The following GNG12 variants were observed in gnomAD, a reference collection of about 807,000 sequenced individuals.
GNG12 encodes the protein guanine nucleotide-binding protein G(I)/G(S)/G(O) subunit gamma-12.
For synonymous variants in GNG12, 28 were observed against 29.7 expected (o/e 0.94, Z 0.19); for missense variants, 69 against 83.8 (o/e 0.82, Z 0.69).
chr1:67,728,218 G>A (rs773609947), intron 2 of GNG12, among the ~76,000 whole-genome samples: 1 of 152,154 alleles, frequency 6.6e-6, no homozygotes, highest in Non-Finnish European at 1.5e-5. Context: ...CGTACCTCCA[G>A]AGTCAGAGTA....
rs139933310 is a variant in GNG12 at position 67,797,538 on chromosome 1, A to C, written c.-76-20031T>G. Among the ~76,000 whole-genome samples the C allele has an allele frequency of 5.1e-3, 771 of 152,310 alleles. 2 individuals are homozygous for C. Among genetic ancestry groups the C allele is most frequent in the Non-Finnish European group, 8.1e-3 (552 of 68,032 alleles). On this transcript the variant is annotated intron_variant, in intron 1 of 3. Coordinates refer to ENST00000370982, the MANE Select transcript of GNG12 (RefSeq NM_018841.6). ...ACAACTCAAGTATGAACTACACAAA[A>C]ATAAAATGTAACCCTCCACACTCAC...
chr1:67,799,929 T>A (rs1170391297), intron 1 of GNG12, among the ~76,000 whole-genome samples: 1 of 152,222 alleles, frequency 6.6e-6, no homozygotes, highest in Non-Finnish European at 1.5e-5. Context: ...TTTTGTGACA[T>A]GTTTTTGTAG....
intron 2 of GNG12, among the ~76,000 whole-genome samples, chr1:67,712,628 G>A (rs1337168340): frequency 6.6e-6 from 1 of 152,080 alleles, no homozygotes; most frequent in Admixed American, 6.6e-5. Flanking sequence ...AGGAGGTTGA[G>A]GCTGCAGTGA....
intron 1 of GNG12, among the ~76,000 whole-genome samples, chr1:67,821,501 G>C (rs920927943): frequency 6.6e-5 from 10 of 152,154 alleles, no homozygotes; most frequent in African/African-American, 2.2e-4. Flanking sequence ...TCCTGTAATT[G>C]CAGGGAACTG....
At chr1:67,726,740 C>T (rs1646388663) in intron 2 of GNG12, among the ~76,000 whole-genome samples, 1 of 152,178 alleles carries the variant, frequency 6.6e-6, no homozygotes, top group African/African-American at 2.4e-5. Flanking sequence ...CAAAATATAA[C>T]ATTTCTGCAC....
At chr1:67,711,638 C>G (rs1434390458) in intron 2 of GNG12, among the ~76,000 whole-genome samples, 1 of 152,124 alleles carries the variant, frequency 6.6e-6, no homozygotes, top group Non-Finnish European at 1.5e-5. Context: ...CCGAGTTAAT[C>G]TTTCCCAGTT....
intron 2 of GNG12, among the ~76,000 whole-genome samples, chr1:67,754,386 C>T (rs894040344): frequency 3.3e-5 from 5 of 152,192 alleles, no homozygotes; most frequent in Non-Finnish European, 7.3e-5. Flanking sequence ...CGAAGCCAGA[C>T]ACCCCAGAGT....
At chr1:67,833,247 C>G (rs1267631493) in intron 1 of GNG12, 97 bp downstream of exon 1, 1 of 256,870 alleles carries the variant, frequency 3.9e-6, no homozygotes, top group African/African-American at 2.3e-5. Context: ...ACCCGGGACT[C>G]GGAGGCGGCC....
intron 1 of GNG12, among the ~76,000 whole-genome samples, chr1:67,827,176 G>A (rs143552816): frequency 1.0e-3 from 156 of 152,212 alleles, no homozygotes; most frequent in African/African-American, 3.4e-3. Flanking sequence ...TTCTCTCTTC[G>A]GTCAACTAAA....
chr1:67,794,659 A>C (rs1646819656), intron 1 of GNG12, among the ~76,000 whole-genome samples: 1 of 152,222 alleles, frequency 6.6e-6, no homozygotes, highest in Non-Finnish European at 1.5e-5. Context: ...TCTGTTACTT[A>C]TAGTCTTGAT....
chr1:67,723,219 T>C (rs939168351), intron 2 of GNG12, among the ~76,000 whole-genome samples: 9 of 152,196 alleles, frequency 5.9e-5, no homozygotes, highest in African/African-American at 2.2e-4. Flanking sequence ...TGGCTGTTGA[T>C]TTCCAAGGGG....
chr1:67,806,443 C>T (rs2100803347), intron 1 of GNG12, among the ~76,000 whole-genome samples: 1 of 152,048 alleles, frequency 6.6e-6, no homozygotes, highest in East Asian at 1.9e-4. Flanking sequence ...GTGAAACCCA[C>T]ATATATGGAG....
At chr1:67,738,608 C>T (rs1646465222) in intron 2 of GNG12, among the ~76,000 whole-genome samples, 1 of 152,240 alleles carries the variant, frequency 6.6e-6, no homozygotes, top group Middle Eastern at 3.4e-3. Context: ...GTAGGCCAGG[C>T]ATGGTAGCTC....
chr1:67,789,780 T>C (rs776188651), intron 1 of GNG12, among the ~76,000 whole-genome samples: 4 of 152,116 alleles, frequency 2.6e-5, no homozygotes, highest in Non-Finnish European at 5.9e-5. Context: ...TTGGTGTAGA[T>C]GAGCGCACTT....
chr1:67,709,043 C>T (rs149725991), intron 2 of GNG12, among the ~76,000 whole-genome samples: 6 of 151,770 alleles, frequency 4.0e-5, no homozygotes, highest in East Asian at 1.9e-4. Flanking sequence ...CCGAGTTCTA[C>T]GACTTGGGTA....
intron 2 of GNG12, among the ~76,000 whole-genome samples, chr1:67,760,176 G>C (rs1646593718): frequency 6.6e-6 from 1 of 152,182 alleles, no homozygotes; most frequent in African/African-American, 2.4e-5. Context: ...AAGGCCCTGT[G>C]ACGTTCCAGT....
intron 2 of GNG12, among the ~76,000 whole-genome samples, chr1:67,765,770 C>A (rs753531537): frequency 6.6e-6 from 1 of 152,118 alleles, no homozygotes; most frequent in Non-Finnish European, 1.5e-5. Context: ...AGGACTAAAT[C>A]AAAAAGATTT....
intron 1 of GNG12, among the ~76,000 whole-genome samples, chr1:67,821,712 C>T (rs768331762): frequency 7.2e-5 from 11 of 151,846 alleles, no homozygotes; most frequent in African/African-American, 1.9e-4. Context: ...TTTGTTATAG[C>T]GGCCATAGAA....
intron 2 of GNG12, among the ~76,000 whole-genome samples, chr1:67,741,587 C>A (rs915403199): frequency 6.6e-5 from 10 of 152,208 alleles, no homozygotes; most frequent in African/African-American, 2.2e-4. Context: ...AGAAACTGAT[C>A]ATCAAAGGTC....
Sources: allele counts gnomAD v4.1 joint callset (sites outside exome capture counted in the v4.1 genomes callset), GRCh38; gene constraint gnomAD v4.1.1; transcripts MANE v1.5; gene names NCBI Gene and HGNC (gene_info 2026-07-23, HGNC 2026-07-21).